The following PCDHGA2 variants were observed in gnomAD, a reference collection of about 807,000 sequenced individuals.
PCDHGA2 encodes the protein protocadherin gamma-A2.
Under a neutral mutation model 59.2 loss-of-function variants are expected in PCDHGA2, and 40 were observed. That is an observed-to-expected ratio of 0.68 (90% CI 0.52 to 0.88). The LOEUF (loss-of-function observed/expected upper bound fraction) is 0.88. Among genes scored for constraint, PCDHGA2 ranks in the 40% least tolerant of loss-of-function variants. PCDHGA2 has a pLI of 0.00. For synonymous variants in PCDHGA2, 560 were observed against 526.0 expected (o/e 1.06, Z -0.89); for missense variants, 1,226 against 1,204.0 (o/e 1.02, Z -0.27).
rs781550738 is a variant in PCDHGA2 at position 141,487,383 on chromosome 5, C to A, written c.2425-7424C>A. On this transcript the variant is annotated intron_variant, in intron 1 of 3. Transcript: ENST00000394576. This position sits in a 1 kb window ranked among gnomAD's most constrained non-coding sequence, Gnocchi z 5.0. Reference sequence around the variant, plus strand: ...GGCACCTGTGCCTGTCTCACCAGATCTCGAAGGAGGGAGGGGCTTCCCCCT... The same window carrying A: ...GGCACCTGTGCCTGTCTCACCAGATATCGAAGGAGGGAGGGGCTTCCCCCT... The A allele has an allele frequency of 3.7e-6, 6 of 1,614,196 alleles. No individual in the cohort carries two copies. The South Asian group carries it at 6.6e-5, about 18-fold the overall frequency.
At chr5:141,345,010 G>A (rs901226383) in intron 1 of PCDHGA2, 4 of 1,613,972 alleles carry the variant, frequency 2.5e-6, no homozygotes, top group Non-Finnish European at 3.4e-6. Context: ...GATGGACCAG[G>A]TCTTCTTTCA....
chr5:141,454,081 T>C (rs1009599234), intron 1 of PCDHGA2, among the ~76,000 whole-genome samples: 2 of 152,198 alleles, frequency 1.3e-5, no homozygotes, highest in African/African-American at 4.8e-5. Flanking sequence ...ATGTTTTCAG[T>C]GAAATTTGAA....
chr5:141,357,033 C>T (rs1760437064), intron 1 of PCDHGA2: 2 of 1,614,068 alleles, frequency 1.2e-6, no homozygotes. Flanking sequence ...TACTCAAGTC[C>T]AGCGAGCCGG....
intron 1 of PCDHGA2, among the ~76,000 whole-genome samples, chr5:141,442,609 TA>T (rs1238913928): frequency 6.6e-6 from 1 of 152,112 alleles, no homozygotes; most frequent in African/African-American, 2.4e-5. Flanking sequence ...GAGATCTCAG[TA>T]AAAAGCATTT....
chr5:141,494,882 C>T lies in PCDHGA2; in HGVS notation c.2483+17C>T, dbSNP rs771484301. On this transcript the variant is annotated intron_variant, in intron 2 of 3. Transcript: ENST00000394576. ...CACCAGCGGGTAGGTGACTGATTCT[C>T]CAGCCCACCCTCTTCTCTGCGGCAT... is the stretch of plus-strand genomic sequence containing the variant. 35 of 1,614,128 alleles carry T rather than the reference C, an allele frequency of 2.2e-5. No homozygotes were observed. The highest frequency in any genetic ancestry group is 3.3e-4 in the Middle Eastern group (2 of 6,060).
intron 1 of PCDHGA2, chr5:141,351,104 C>G: frequency 6.2e-7 from 1 of 1,614,064 alleles, no homozygotes; most frequent in Non-Finnish European, 8.5e-7. Flanking sequence ...CCTCAATTCC[C>G]CAATAAGTAC....
chr5:141,361,085 T>C (rs1370734809), intron 1 of PCDHGA2: 1 of 1,613,896 alleles, frequency 6.2e-7, no homozygotes, highest in Non-Finnish European at 8.5e-7. Flanking sequence ...AGTTACACTC[T>C]GAGTATCGAA....
chr5:141,418,542 T>G, intron 1 of PCDHGA2: 1 of 1,614,028 alleles, frequency 6.2e-7, no homozygotes, highest in Non-Finnish European at 8.5e-7. Flanking sequence ...ACTGCTCAGA[T>G]AAGAATCCTG....
chr5:141,389,560 G>C (rs1323439261), intron 1 of PCDHGA2: 2 of 1,613,106 alleles, frequency 1.2e-6, no homozygotes, highest in South Asian at 1.1e-5. Context: ...AATGCGCCAC[G>C]GGTGCTGTAC....
chr5:141,407,798 A>T (rs2094982737), intron 1 of PCDHGA2, among the ~76,000 whole-genome samples: 1 of 152,256 alleles, frequency 6.6e-6, no homozygotes, highest in Non-Finnish European at 1.5e-5. Context: ...AACACAAAGC[A>T]TAGAAATATC....
chr5:141,395,546 G>GTT (rs2093266838), intron 1 of PCDHGA2: 4 of 32,300 alleles, frequency 1.2e-4, no homozygotes, highest in African/African-American at 9.9e-4. Context: ...TATTGTTTGT[G>GTT]TGTGTGTGTG....
chr5:141,345,944 G>A, intron 1 of PCDHGA2: 2 of 1,613,564 alleles, frequency 1.2e-6, no homozygotes, highest in Admixed American at 1.7e-5. Flanking sequence ...ACAGAGACGC[G>A]CTCAAGCAGA....
intron 1 of PCDHGA2, chr5:141,384,852 G>C: frequency 6.2e-7 from 1 of 1,613,646 alleles, no homozygotes; most frequent in Non-Finnish European, 8.5e-7. Context: ...ACCACGGTCA[G>C]CCTCCTCTGT....
intron 1 of PCDHGA2, among the ~76,000 whole-genome samples, chr5:141,482,314 A>G (rs1279804501): frequency 6.6e-6 from 1 of 152,180 alleles, no homozygotes; most frequent in Admixed American, 6.5e-5. Flanking sequence ...TTCCTCATCT[A>G]TAAAATAAAG....
chr5:141,380,273 G>A (rs1174536963), intron 1 of PCDHGA2, among the ~76,000 whole-genome samples: 1 of 152,076 alleles, frequency 6.6e-6, no homozygotes, highest in Admixed American at 6.6e-5. Context: ...AAATCTCAGA[G>A]GAGAAACATT....
chr5:141,374,627 G>A (rs955993144), intron 1 of PCDHGA2: 2 of 1,613,064 alleles, frequency 1.2e-6, no homozygotes, highest in African/African-American at 1.3e-5. Flanking sequence ...CTCAGTGGAC[G>A]TGCAAAGCGA....
intron 1 of PCDHGA2, chr5:141,356,664 T>A: frequency 6.2e-7 from 1 of 1,613,996 alleles, no homozygotes; most frequent in Non-Finnish European, 8.5e-7. Flanking sequence ...CCCGAATCAC[T>A]TACTCCCTGG....
rs376996144 is a variant in PCDHGA2, at chr5:141,491,534, G to C, written c.2425-3273G>C. 3.7e-6 allele frequency: 6 copies of C among 1,613,912 alleles called. No homozygotes were observed. The highest frequency in any genetic ancestry group is 1.3e-5 in the African/African-American group (1 of 74,928). ...CTCAAGTACATGGAGGTGACGCTGC[G>C]GCCCACAGACTCGCAGAGCCACTGC... On this transcript the variant is annotated intron_variant, in intron 1 of 3. Coordinates refer to ENST00000394576, the MANE Select transcript of PCDHGA2 (RefSeq NM_018915.4). This position sits in a 1 kb window ranked among gnomAD's most constrained non-coding sequence, Gnocchi z 6.9.
At chr5:141,366,220 A>C in intron 1 of PCDHGA2, 1 of 1,613,804 alleles carries the variant, frequency 6.2e-7, no homozygotes, top group Non-Finnish European at 8.5e-7. Context: ...GCACAGCGCG[A>C]GCCCTGCTGG....
Sources: gnomAD v4.1 joint callset for allele counts (sites outside exome capture counted in the v4.1 genomes callset) on GRCh38, gnomAD v4.1.1 for gene constraint, Gnocchi (gnomAD v3.1) non-coding constraint, MANE v1.5 for transcripts, NCBI Gene and HGNC (gene_info 2026-07-23, HGNC 2026-07-21) for gene names.